Variants in TCF4 observed in about 807,000 individuals in gnomAD.
The protein encoded by TCF4 is transcription factor 4, also known as SL3-3 enhancer factor 2.
Under a neutral mutation model 82.1 loss-of-function variants are expected in TCF4, and 3 were observed. That is an observed-to-expected ratio of 0.04 (90% CI 0.02 to 0.09). TCF4 has a LOEUF of 0.09. TCF4 is among the 10% of genes least tolerant of loss of function. The pLI, the probability that TCF4 is intolerant of heterozygous loss-of-function variation, is 1.00. For missense variants in TCF4, 518 were observed against 852.7 expected (o/e 0.61, Z 4.89); for synonymous variants, 276 against 309.6 (o/e 0.89, Z 1.14).
Position 55,260,008 on chromosome 18 carries a change from G to A in TCF4, c.1010C>T (p.Thr337Ile). The part of the protein sequence containing the change: ...ALASIYSPDH[T>I]NNSFSSNPST... ...AGGGTTTGATGAAAAGCTGTTGTTA[G>A]TGTGATCTGGAGAATAGATCTTAAA... The change falls in exon 13 of 20, where the codon ACT becomes ATT. Residue 337 changes from threonine to isoleucine, a missense_variant. Transcript: ENST00000354452. The A allele has an allele frequency of 6.2e-7, 1 of 1,612,464 alleles. No individual in the cohort carries two copies. Among genetic ancestry groups the A allele is most frequent in the Non-Finnish European group, 8.5e-7 (1 of 1,178,784 alleles).
At chr18:55,466,072 C>T (rs2096011007) in intron 3 of TCF4, among the ~76,000 whole-genome samples, 2 of 152,298 alleles carry the variant, frequency 1.3e-5, no homozygotes, top group South Asian at 4.1e-4. Context: ...TCCCAAAGGA[C>T]ATTTGGCAAA....
intron 6 of TCF4, among the ~76,000 whole-genome samples, chr18:55,373,834 A>G (rs562806920): frequency 1.3e-5 from 2 of 152,116 alleles, no homozygotes; most frequent in African/African-American, 2.4e-5. Flanking sequence ...TAATAATAAT[A>G]AAATAGGGAA....
intron 5 of TCF4, among the ~76,000 whole-genome samples, chr18:55,457,452 C>A (rs569407229): frequency 1.3e-5 from 2 of 152,284 alleles, no homozygotes; most frequent in Non-Finnish European, 2.9e-5. Flanking sequence ...TCCACACACA[C>A]AAGATTATTT....
At chr18:55,561,688 T>G (rs1412984050) in intron 3 of TCF4, among the ~76,000 whole-genome samples, 3 of 152,212 alleles carry the variant, frequency 2.0e-5, no homozygotes, top group Non-Finnish European at 4.4e-5. Flanking sequence ...AGTTTGTGTT[T>G]TAATTTTTAG....
intron 8 of TCF4, among the ~76,000 whole-genome samples, chr18:55,295,188 C>T (rs900492862): frequency 6.6e-6 from 1 of 152,160 alleles, no homozygotes; most frequent in African/African-American, 2.4e-5. Context: ...GCTCATTTTG[C>T]CCTTTGCATG....
intron 1 of TCF4, 110 bp downstream of exon 1, chr18:55,587,928 C>G: frequency 8.9e-6 from 8 of 900,620 alleles, no homozygotes; most frequent in Non-Finnish European, 1.1e-5. Context: ...CGCCGGGCGC[C>G]GGGAGCCCGC....
upstream of TCF4, chr18:55,589,931 T>C (rs1603625008): frequency 3.0e-5 from 21 of 695,916 alleles, no homozygotes; most frequent in Non-Finnish European, 3.5e-5. Flanking sequence ...GCGGTGCTGG[T>C]CGACCACGCC....
intron 5 of TCF4, among the ~76,000 whole-genome samples, chr18:55,447,923 C>G (rs2095553934): frequency 7.1e-6 from 1 of 141,550 alleles, no homozygotes; most frequent in East Asian, 2.1e-4. Flanking sequence ...AACGTAGCCA[C>G]TAGAAAAGGC....
At chr18:55,566,938 A>G (rs149869173) in intron 3 of TCF4, among the ~76,000 whole-genome samples, 101 of 152,338 alleles carry the variant, frequency 6.6e-4, no homozygotes, top group Non-Finnish European at 1.3e-3. Context: ...CATTACAGTA[A>G]AACTGCTAAA....
upstream of TCF4, chr18:55,588,480 C>G: frequency 6.5e-7 from 1 of 1,535,114 alleles, no homozygotes; most frequent in Non-Finnish European, 8.7e-7. Context: ...CTCATTTTTC[C>G]TCAGATCGTC....
intron 8 of TCF4, among the ~76,000 whole-genome samples, chr18:55,303,708 A>C (rs2069171931): frequency 6.6e-6 from 1 of 152,212 alleles, no homozygotes; most frequent in Non-Finnish European, 1.5e-5. Flanking sequence ...TGGAGAGATC[A>C]GGTTATTAAA....
chr18:55,431,534 C>A (rs192627101), intron 5 of TCF4, among the ~76,000 whole-genome samples: 3 of 152,190 alleles, frequency 2.0e-5, no homozygotes, highest in Non-Finnish European at 4.4e-5. Context: ...CCCACCTCAG[C>A]CTCCAAAAGT....
chr18:55,594,112 C>T (rs147581723), intron 2 of TCF4, among the ~76,000 whole-genome samples: 167 of 152,278 alleles, frequency 1.1e-3, no homozygotes, highest in African/African-American at 3.9e-3. Context: ...ATGACACACA[C>T]AGTCCTCTAC....
intron 3 of TCF4, among the ~76,000 whole-genome samples, chr18:55,515,049 G>T (rs924281084): frequency 6.6e-6 from 1 of 152,060 alleles, no homozygotes; most frequent in African/African-American, 2.4e-5. Context: ...AATAACTTCA[G>T]CAAGATTAGG....
In TCF4 at chr18:55,303,621, T is replaced by C. The variant is rs555886324; in HGVS notation, c.550-23965A>G. Among the ~76,000 whole-genome samples the C allele has an allele frequency of 6.6e-5, 10 of 152,122 alleles. No homozygotes were observed. In the East Asian group the frequency reaches 1.4e-3, roughly 21 times the overall value. On this transcript the variant is annotated intron_variant, in intron 8 of 19. Transcript: ENST00000354452. ...GTAATAATTACAGAAGAAGAAAAGA[T>C]ATAAGGTGAAGTAAGGACAACAGTG... is the stretch of plus-strand genomic sequence containing the variant.
intron 3 of TCF4, among the ~76,000 whole-genome samples, chr18:55,527,097 A>G (rs1024658874): frequency 6.6e-6 from 1 of 152,228 alleles, no homozygotes; most frequent in Non-Finnish European, 1.5e-5. Flanking sequence ...AGGAGGAGAT[A>G]GGTGAAAATA....
chr18:55,560,981 T>G (rs1488756712), intron 3 of TCF4, among the ~76,000 whole-genome samples: 1 of 152,260 alleles, frequency 6.6e-6, no homozygotes, highest in Admixed American at 6.5e-5. Context: ...TATGTTCAAA[T>G]TCCCTGGCTT....
At chr18:55,464,170 T>C (rs935399447) in intron 3 of TCF4, 33 bp from the exon 4 acceptor site, 27 of 1,602,412 alleles carry the variant, frequency 1.7e-5, no homozygotes, top group East Asian at 2.2e-5. Flanking sequence ...TTAGGCTTTC[T>C]TGCAGTAATT....
In TCF4 at chr18:55,581,136, C is replaced by A. The variant is rs569406513; in HGVS notation, c.145+4144G>T. 9.9e-5 allele frequency among the ~76,000 whole-genome samples: 15 copies of A among 152,088 alleles called. No individual in the cohort carries two copies. In the South Asian group the frequency reaches 2.3e-3, roughly 23 times the overall value. On this transcript the variant is annotated intron_variant, in intron 3 of 19. Transcript: ENST00000354452. ...AGTTTTCAGAAGGCACATGCATATA[C>A]AGAAGCATTTACATGCACAAATATC...
Sources: allele counts gnomAD v4.1 joint callset (sites outside exome capture counted in the v4.1 genomes callset), GRCh38; gene constraint gnomAD v4.1.1; transcripts MANE v1.5; gene names NCBI Gene and HGNC (gene_info 2026-07-23, HGNC 2026-07-21).